The following BRINP3 variants were observed in gnomAD, a reference collection of about 807,000 sequenced individuals.
The protein encoded by BRINP3 is BMP/retinoic acid-inducible neural-specific protein 3.
A neutral mutation model predicts 71.0 loss-of-function variants in BRINP3; 19 were observed. That is an observed-to-expected ratio of 0.27 (90% CI 0.19 to 0.39). The LOEUF (loss-of-function observed/expected upper bound fraction) is 0.39. BRINP3 is among the 10% of genes least tolerant of loss of function. The pLI, the probability that BRINP3 is intolerant of heterozygous loss-of-function variation, is 1.00. For missense variants in BRINP3, 959 were observed against 940.8 expected (o/e 1.02, Z -0.25); for synonymous variants, 380 against 337.7 (o/e 1.13, Z -1.37).
intron 2 of BRINP3, among the ~76,000 whole-genome samples, chr1:190,402,299 T>C (rs1671979630): frequency 6.6e-6 from 1 of 152,180 alleles, no homozygotes; most frequent in South Asian, 2.1e-4. Flanking sequence ...TGTGAAAGTA[T>C]AGGACATCTT....
intron 2 of BRINP3, among the ~76,000 whole-genome samples, chr1:190,431,986 A>C (rs964088033): frequency 6.6e-6 from 1 of 152,292 alleles, no homozygotes; most frequent in East Asian, 1.9e-4. Flanking sequence ...CAAAATAAGA[A>C]CCAAATAATG....
chr1:190,327,248 G>T (rs1666642807), intron 2 of BRINP3, among the ~76,000 whole-genome samples: 1 of 145,206 alleles, frequency 6.9e-6, no homozygotes, highest in East Asian at 2.1e-4. Flanking sequence ...CCAGGAGGCG[G>T]AGGTTGCAGG....
chr1:190,193,863 T>A (rs1654255051), intron 6 of BRINP3, among the ~76,000 whole-genome samples: 1 of 152,024 alleles, frequency 6.6e-6, no homozygotes, highest in Non-Finnish European at 1.5e-5. Flanking sequence ...GGCTCCTATC[T>A]CCCAGGGTAA....
chr1:190,172,092 C>A (rs958137769), intron 6 of BRINP3, among the ~76,000 whole-genome samples: 2 of 150,040 alleles, frequency 1.3e-5, no homozygotes, highest in African/African-American at 4.9e-5. Context: ...AGAGCAAGAT[C>A]TTATATCAAA....
chr1:190,326,552 T>C (rs1161975375), intron 2 of BRINP3, among the ~76,000 whole-genome samples: 1 of 151,892 alleles, frequency 6.6e-6, no homozygotes, highest in Non-Finnish European at 1.5e-5. Flanking sequence ...AGCTAGAAAG[T>C]AAGGCCAGAT....
At position 190,149,657 on chromosome 1, in the gene BRINP3, A is replaced by G. The variant is rs201180961; in HGVS notation, c.1184+11011T>C. Among the ~76,000 whole-genome samples the G allele has an allele frequency of 2.2e-4, 31 of 138,428 alleles. No individual in the cohort carries two copies. In the South Asian group the frequency reaches 3.3e-3, roughly 15 times the overall value. 90.8% of individuals were successfully genotyped at this position (138,428 alleles called of 152,430 possible). A position where few individuals can be genotyped will look rare whatever the true frequency, so the allele number is the denominator to read the frequency against. On this transcript the variant is annotated intron_variant, in intron 7 of 7. Coordinates refer to ENST00000367462, the MANE Select transcript of BRINP3 (RefSeq NM_199051.3). Reference sequence around the variant, plus strand: ...TGTGTGTGTGTGTGTGTGTGTGTGTATGTGAGAGAGAGAGACCTGGTAGAA... The same window carrying G: ...TGTGTGTGTGTGTGTGTGTGTGTGTGTGTGAGAGAGAGAGACCTGGTAGAA...
intron 6 of BRINP3, among the ~76,000 whole-genome samples, chr1:190,209,612 A>C (rs1655811146): frequency 6.6e-6 from 1 of 152,166 alleles, no homozygotes; most frequent in Non-Finnish European, 1.5e-5. Flanking sequence ...ATTATGTATC[A>C]ATTTCATTTG....
intron 7 of BRINP3, among the ~76,000 whole-genome samples, chr1:190,150,766 A>G (rs531880939): frequency 6.6e-6 from 1 of 152,314 alleles, no homozygotes; most frequent in African/African-American, 2.4e-5. Flanking sequence ...TTATGCATGC[A>G]CGATTATATT....
intron 7 of BRINP3, among the ~76,000 whole-genome samples, chr1:190,143,889 T>C (rs527877960): frequency 7.2e-5 from 11 of 152,298 alleles, no homozygotes; most frequent in African/African-American, 2.4e-4. Flanking sequence ...GTTATGAGAA[T>C]TGCATAGCCA....
chr1:190,468,808 T>A (rs909951782), intron 1 of BRINP3, among the ~76,000 whole-genome samples: 14 of 151,132 alleles, frequency 9.3e-5, no homozygotes, highest in African/African-American at 3.1e-4. Context: ...ACAATTAATT[T>A]AATTTTAAAA....
chr1:190,390,781 C>A (rs1671201860), intron 2 of BRINP3, among the ~76,000 whole-genome samples: 1 of 151,744 alleles, frequency 6.6e-6, no homozygotes, highest in Admixed American at 6.6e-5. Context: ...AAATGCAATA[C>A]ATAGATAAAA....
At chr1:190,346,787 T>C (rs1558202856) in intron 2 of BRINP3, among the ~76,000 whole-genome samples, 1 of 152,232 alleles carries the variant, frequency 6.6e-6, no homozygotes, top group South Asian at 2.1e-4. Flanking sequence ...TACATCTTCT[T>C]AGTTAACCAA....
intron 2 of BRINP3, among the ~76,000 whole-genome samples, chr1:190,338,979 G>T (rs1667472012): frequency 6.6e-6 from 1 of 150,852 alleles, no homozygotes; most frequent in African/African-American, 2.4e-5. Flanking sequence ...TTCCCCCACA[G>T]GCAGAGTATA....
chr1:190,110,093 C>G (rs1022796155), intron 7 of BRINP3, among the ~76,000 whole-genome samples: 1 of 152,176 alleles, frequency 6.6e-6, no homozygotes, highest in Non-Finnish European at 1.5e-5. Flanking sequence ...AGAGAACTCA[C>G]TATGTACACG....
chr1:190,415,717 A>G (rs2102431201), intron 2 of BRINP3, among the ~76,000 whole-genome samples: 1 of 152,072 alleles, frequency 6.6e-6, no homozygotes, highest in East Asian at 1.9e-4. Context: ...ACTGAGCAAT[A>G]TAGCAAGACC....
chr1:190,346,663 C>G (rs1668042088), intron 2 of BRINP3, among the ~76,000 whole-genome samples: 1 of 152,038 alleles, frequency 6.6e-6, no homozygotes, highest in Non-Finnish European at 1.5e-5. Flanking sequence ...TTAGAATATG[C>G]ATTTATATTT....
intron 6 of BRINP3, among the ~76,000 whole-genome samples, chr1:190,225,667 T>C (rs924548541): frequency 6.6e-6 from 1 of 151,898 alleles, no homozygotes; most frequent in African/African-American, 2.4e-5. Flanking sequence ...ATTGTAGAAA[T>C]AAGTGAAGTG....
chr1:190,098,777 A>G lies in BRINP3; in HGVS notation c.1542T>C (p.Phe514=). 6.2e-7 allele frequency: 1 copy of G among 1,614,202 alleles called. No individual in the cohort carries two copies. Among genetic ancestry groups the G allele is most frequent in the Non-Finnish European group, 8.5e-7 (1 of 1,180,042 alleles). The change falls in exon 8 of 8, where the codon TTT becomes TTC. Residue 514 remains phenylalanine (F), a synonymous_variant. Transcript: ENST00000367462. ...TATTGAGGCGCATGTCATTGCTGAT[A>G]AAAATGGCATGGACTTCTATTCGTC... is the stretch of plus-strand genomic sequence containing the variant. ...TDRRIEVHAI[F]ISNDMRLNSW...
chr1:190,177,329 A>ATTTTTTT (rs11307442), intron 6 of BRINP3, among the ~76,000 whole-genome samples: 79 of 98,680 alleles, frequency 8.0e-4, no homozygotes, highest in Middle Eastern at 6.5e-3. Flanking sequence ...TGCCTGGATA[A>ATTTTTTT]TTTTTTTTTT....
Sources: gnomAD v4.1 joint callset for allele counts (sites outside exome capture counted in the v4.1 genomes callset) on GRCh38, gnomAD v4.1.1 for gene constraint, MANE v1.5 for transcripts, NCBI Gene and HGNC (gene_info 2026-07-23, HGNC 2026-07-21) for gene names.